Variants in CCDC28A observed in about 807,000 individuals in gnomAD.
CCDC28A encodes coiled-coil domain-containing protein 28A.
CCDC28A carries 24 observed loss-of-function variants against 22.1 expected under a neutral mutation model. That is an observed-to-expected ratio of 1.09 (90% CI 0.79 to 1.53). The LOEUF (loss-of-function observed/expected upper bound fraction) is 1.53, where lower values mean the gene tolerates loss of function less well. Among genes scored for constraint, CCDC28A ranks in the 40% most tolerant of loss-of-function variants. CCDC28A has a pLI of 0.00. For missense variants in CCDC28A, 170 were observed against 210.7 expected (o/e 0.81, Z 1.20); for synonymous variants, 83 against 74.7 (o/e 1.11, Z -0.57).
chr6:138,781,116 G>T (rs72985051), intron 3 of CCDC28A, among the ~76,000 whole-genome samples: 1 of 152,002 alleles, frequency 6.6e-6, no homozygotes, highest in Non-Finnish European at 1.5e-5. Context: ...CAGTCCAGGT[G>T]TATATCCTTT....
chr6:138,786,542 T>C (rs1775095573), intron 4 of CCDC28A, among the ~76,000 whole-genome samples: 1 of 152,256 alleles, frequency 6.6e-6, no homozygotes, highest in African/African-American at 2.4e-5. Context: ...GCCAATACTT[T>C]CACTATTTCG....
chr6:138,787,636 G>A (rs535739138), intron 4 of CCDC28A, among the ~76,000 whole-genome samples: 32 of 151,576 alleles, frequency 2.1e-4, no homozygotes, highest in African/African-American at 7.1e-4. Flanking sequence ...ATTATGCCTG[G>A]TTTTAGGAAT....
At chr6:138,789,344 A>G (rs1405816189) in intron 5 of CCDC28A, among the ~76,000 whole-genome samples, 2 of 152,214 alleles carry the variant, frequency 1.3e-5, no homozygotes, top group African/African-American at 4.8e-5. Context: ...GTTTGGTTCT[A>G]CATTTTGATC....
intron 3 of CCDC28A, among the ~76,000 whole-genome samples, chr6:138,784,635 A>T (rs182702788): frequency 2.0e-4 from 30 of 152,124 alleles, no homozygotes; most frequent in Non-Finnish European, 2.8e-4. Context: ...TGTGGGGATT[A>T]TAGGCATGAG....
chr6:138,788,305 T>A, intron 4 of CCDC28A, 61 bp from the exon 5 acceptor site: 2 of 585,180 alleles, frequency 3.4e-6, no homozygotes, highest in Non-Finnish European at 2.8e-6. Context: ...AAGAAATAGT[T>A]AACAACTATT....
At chr6:138,788,827 C>G (rs1330580188) in intron 5 of CCDC28A, among the ~76,000 whole-genome samples, 4 of 151,904 alleles carry the variant, frequency 2.6e-5, no homozygotes, top group African/African-American at 9.7e-5. Flanking sequence ...TTGTACTGTT[C>G]TTGAATTTTT....
chr6:138,792,652 T>A, intron 5 of CCDC28A, 97 bp from the exon 6 acceptor site: 1 of 787,764 alleles, frequency 1.3e-6, no homozygotes, highest in Non-Finnish European at 2.2e-6. Flanking sequence ...TATCTCTTTT[T>A]TAAATACCGC....
At chr6:138,790,946 T>C (rs528145247) in intron 5 of CCDC28A, among the ~76,000 whole-genome samples, 2 of 152,214 alleles carry the variant, frequency 1.3e-5, no homozygotes, top group Non-Finnish European at 2.9e-5. Context: ...CCATACCTTT[T>C]CAATTTTCTG....
chr6:138,788,592 C>CT (rs1775128492), intron 5 of CCDC28A, among the ~76,000 whole-genome samples: 1 of 82,030 alleles, frequency 1.2e-5, no homozygotes, highest in Non-Finnish European at 2.6e-5. Flanking sequence ...TTTTTTTTTT[C>CT]AGAGACAGGG....
At position 138,776,119 on chromosome 6, in the gene CCDC28A, C is replaced by A. The variant is rs754039548; in HGVS notation, c.-2C>A. The A allele has an allele frequency of 1.9e-6, 3 of 1,613,962 alleles. No homozygotes were observed. The African/African-American group carries it at 4.0e-5, about 22-fold the overall frequency. The stretch of plus-strand genomic sequence containing the variant: ...CCGTGGTGCAATAAGGAACTTAAAA[C>A]AATGGAAGAGCGGAAAGTGAAGAGG... On this transcript the variant is annotated 5_prime_UTR_variant, in exon 2 of 6. Transcript: ENST00000617445.
rs772875496 is a variant in CCDC28A at position 138,788,363 on chromosome 6, C to T, written c.478-3C>T. 8.5e-7 allele frequency: 1 copy of T among 1,170,074 alleles called. No individual in the cohort carries two copies. Among genetic ancestry groups the T allele is most frequent in the Non-Finnish European group, 1.2e-6 (1 of 837,808 alleles). The allele number at this position is 1,170,074 out of a possible 1,614,324, so 72.5% of individuals were successfully genotyped here. A position where few individuals can be genotyped will look rare whatever the true frequency, so the allele number is the denominator to read the frequency against. ...AAAATAAATTTGTTTCTTTGTTTTA[C>T]AGTTAGAAGAATTGAATTCTTCCAT... is the stretch of plus-strand genomic sequence containing the variant. On this transcript the variant is annotated splice_region_variant and splice_polypyrimidine_tract_variant and intron_variant, in intron 4 of 5. Transcript: ENST00000617445.
At chr6:138,785,521 G>C (rs1775083693) in intron 4 of CCDC28A, 140 bp downstream of exon 4, 1 of 617,494 alleles carries the variant, frequency 1.6e-6, no homozygotes, top group Non-Finnish European at 2.8e-6. Flanking sequence ...TTGAATTGCG[G>C]AACACGTTCA....
intron 4 of CCDC28A, among the ~76,000 whole-genome samples, chr6:138,787,415 T>TTTC (rs1775109631): frequency 1.3e-5 from 2 of 152,162 alleles, no homozygotes; most frequent in African/African-American, 4.8e-5. Flanking sequence ...CCTGTAGAAC[T>TTTC]ATAAGAGGTA....
At chr6:138,777,777 T>G (rs1774957343) in intron 2 of CCDC28A, among the ~76,000 whole-genome samples, 1 of 152,244 alleles carries the variant, frequency 6.6e-6, no homozygotes, top group Non-Finnish European at 1.5e-5. Flanking sequence ...TATTAAATGA[T>G]GAACTGATGT....
intron 4 of CCDC28A, among the ~76,000 whole-genome samples, chr6:138,787,418 A>ACCTGT (rs1775109748): frequency 1.3e-5 from 2 of 152,152 alleles, no homozygotes; most frequent in African/African-American, 4.8e-5. Context: ...GTAGAACTAT[A>ACCTGT]AGAGGTAAAT....
At chr6:138,787,284 C>T (rs1258143943) in intron 4 of CCDC28A, among the ~76,000 whole-genome samples, 1 of 152,112 alleles carries the variant, frequency 6.6e-6, no homozygotes, top group Non-Finnish European at 1.5e-5. Context: ...CAAGAGAAAC[C>T]TCCTACCCCT....
At chr6:138,774,601 T>C (rs1036622832) in intron 1 of CCDC28A, among the ~76,000 whole-genome samples, 2 of 152,262 alleles carry the variant, frequency 1.3e-5, no homozygotes, top group African/African-American at 2.4e-5. Flanking sequence ...TTGGCAGTAT[T>C]GTAGCTCCAG....
chr6:138,785,581 G>GCAA (rs1775084227), intron 4 of CCDC28A, among the ~76,000 whole-genome samples, 200 bp downstream of exon 4: 1 of 152,108 alleles, frequency 6.6e-6, no homozygotes, highest in Admixed American at 6.5e-5. Flanking sequence ...TCATCCCCTA[G>GCAA]CAACCCCTAA....
At chr6:138,774,196 T>G (rs921636105) in intron 1 of CCDC28A, among the ~76,000 whole-genome samples, 2 of 152,208 alleles carry the variant, frequency 1.3e-5, no homozygotes, top group African/African-American at 4.8e-5. Flanking sequence ...ACAGATGTAA[T>G]TTTCCAAAAA....
Sources: allele counts gnomAD v4.1 joint callset (sites outside exome capture counted in the v4.1 genomes callset), GRCh38; gene constraint gnomAD v4.1.1; transcripts MANE v1.5; gene names NCBI Gene and HGNC (gene_info 2026-07-23, HGNC 2026-07-21).